Variants in ABCA6 observed in about 807,000 individuals in gnomAD.
ABCA6 encodes ATP-binding cassette sub-family A member 6.
In ABCA6, 164 loss-of-function variants were observed where a neutral mutation model predicts 191.2. The observed-to-expected ratio is 0.86, with a 90% CI of 0.76 to 0.98. The LOEUF (loss-of-function observed/expected upper bound fraction) is 0.98, where lower values mean the gene tolerates loss of function less well. Ranked by LOEUF, ABCA6 falls within the 50% of genes least tolerant of loss-of-function variation. The probability of loss-of-function intolerance (pLI) is 0.00; values close to 1 mark genes in which losing one functional copy is unlikely to be tolerated. For missense variants in ABCA6, 1,958 were observed against 1,894.1 expected (o/e 1.03, Z -0.63); for synonymous variants, 636 against 647.7 (o/e 0.98, Z 0.27).
intron 20 of ABCA6, chr17:69,105,123 A>G (rs556989953): frequency 4.4e-6 from 1 of 229,656 alleles, no homozygotes; most frequent in South Asian, 8.8e-5. Flanking sequence ...CCTTTGTGGT[A>G]TAGGTTAGGC....
Position 69,118,293 on chromosome 17 carries a change from ACTGGCATC to A in ABCA6, c.1437-345_1437-338del, listed in dbSNP as rs531693669. Reference sequence around the variant, plus strand: ...TCAGCTCATTTACCTAGGGTCTTGAACTGGCATCCTGCATCGTCTCCAAGTCTTGCTTA... The same window carrying A: ...TCAGCTCATTTACCTAGGGTCTTGAACTGCATCGTCTCCAAGTCTTGCTTA... On this transcript the variant is annotated intron_variant, in intron 10 of 38. Coordinates refer to ENST00000284425, the MANE Select transcript of ABCA6 (RefSeq NM_080284.3). Among the ~76,000 whole-genome samples, 167 of 152,086 alleles carry A rather than the reference ACTGGCATC, an allele frequency of 1.1e-3. 1 individual carries two copies. The highest frequency in any genetic ancestry group is 3.8e-3 in the African/African-American group (159 of 41,512).
chr17:69,135,797 C>A, intron 4 of ABCA6: 1 of 443,808 alleles, frequency 2.3e-6, no homozygotes, highest in South Asian at 6.7e-5. Flanking sequence ...CAATGTCTGT[C>A]TTTGCTGCTA....
At chr17:69,088,027 G>T in intron 28 of ABCA6, 140 bp downstream of exon 28, 2 of 729,788 alleles carry the variant, frequency 2.7e-6, no homozygotes, top group Non-Finnish European at 4.1e-6. Flanking sequence ...TGGCAGTAAG[G>T]CAGCAATCCA....
At position 69,114,923 on chromosome 17, in the gene ABCA6, A is replaced by G. The variant is rs373989235; in HGVS notation, c.1621T>C (p.Tyr541His). The G allele has an allele frequency of 9.9e-6, 16 of 1,608,390 alleles. No homozygotes were observed. The African/African-American group carries it at 1.7e-4, about 18-fold the overall frequency. Residue 541 changes from tyrosine to histidine, a missense_variant, in exon 13 of 39, where the codon TAT becomes CAT. Transcript: ENST00000284425. ...SVPTEGSVTI[Y>H]NKNLSEMQDL... is the part of the protein sequence containing the mutation. ...TGCATTTCAGAGAGATTTTTATTAT[A>G]GATGGTAACTGATCCTAAGAATAGA...
intron 36 of ABCA6, 36 bp downstream of exon 36, chr17:69,082,837 C>T (rs777337889): frequency 2.5e-6 from 4 of 1,612,468 alleles, no homozygotes; most frequent in Non-Finnish European, 3.4e-6. Context: ...GTGGATAAAC[C>T]CTCCATATTT....
rs1402066360 is a variant in ABCA6 at position 69,106,154 on chromosome 17, G to A, written c.2447C>T (p.Ala816Val). The A allele has an allele frequency of 9.9e-6, 16 of 1,613,764 alleles. No homozygotes were observed. Among genetic ancestry groups the A allele is most frequent in the Admixed American group, 1.7e-5 (1 of 59,954 alleles). Residue 816 changes from alanine to valine, a missense_variant, in exon 19 of 39, where the codon GCT becomes GTT. Ala to Val is a moderately conservative substitution (Grantham distance 64). Transcript: ENST00000284425. ...DSESLNEMEL[A>V]HSSFSEMQTA... ...CTGCATTTCAGAGAAGGAAGAGTGA[G>A]CCAGCTCCATTTCATTGAGGCTTTC...
At chr17:69,136,940 T>C (rs1195372202) in intron 3 of ABCA6, among the ~76,000 whole-genome samples, 2 of 152,128 alleles carry the variant, frequency 1.3e-5, no homozygotes, top group African/African-American at 4.8e-5. Flanking sequence ...TATTTAGATG[T>C]TTTTTTCCTG....
intron 22 of ABCA6, chr17:69,098,675 A>G (rs143955124): frequency 1.3e-5 from 2 of 151,874 alleles, no homozygotes; most frequent in African/African-American, 4.8e-5. Flanking sequence ...ATGCTACAAC[A>G]TAGACGAACC....
intron 22 of ABCA6, chr17:69,098,685 C>A (rs1183097304): frequency 6.8e-6 from 1 of 146,278 alleles, no homozygotes; most frequent in Non-Finnish European, 1.5e-5. Context: ...ATAGACGAAC[C>A]TGGAAAATAT....
At chr17:69,095,854 T>C (rs1478666096) in intron 25 of ABCA6, among the ~76,000 whole-genome samples, 1 of 152,222 alleles carries the variant, frequency 6.6e-6, no homozygotes, top group African/African-American at 2.4e-5. Flanking sequence ...GTATAAAACA[T>C]CTTTAGTATC....
intron 35 of ABCA6, 50 bp from the exon 36 acceptor site, chr17:69,083,063 T>C (rs1486470785): frequency 1.2e-6 from 2 of 1,600,636 alleles, no homozygotes; most frequent in Non-Finnish European, 1.7e-6. Flanking sequence ...CCTTAATTTT[T>C]TAATGTTATT....
intron 2 of ABCA6, among the ~76,000 whole-genome samples, chr17:69,138,121 C>T (rs1047440580): frequency 1.3e-5 from 2 of 152,136 alleles, no homozygotes; most frequent in African/African-American, 2.4e-5. Context: ...TCTCACTGTC[C>T]TGGTCCCACT....
intron 37 of ABCA6, among the ~76,000 whole-genome samples, chr17:69,080,446 T>C (rs2072602600): frequency 6.6e-6 from 1 of 152,058 alleles, no homozygotes; most frequent in Admixed American, 6.6e-5. Context: ...TGGTCTGCTG[T>C]TGGGAATGAC....
intron 4 of ABCA6, 97 bp downstream of exon 4, chr17:69,135,995 C>A (rs536810697): frequency 8.6e-7 from 1 of 1,157,108 alleles, no homozygotes; most frequent in East Asian, 2.5e-5. Context: ...CCTGTTTTCT[C>A]ATGTGTCATT....
At chr17:69,094,587 C>G (rs1260544422) in intron 25 of ABCA6, 2 of 168,062 alleles carry the variant, frequency 1.2e-5, no homozygotes, top group Non-Finnish European at 2.7e-5. Context: ...TAAACCTGCT[C>G]AGCTTCTCCA....
At position 69,141,799 on chromosome 17, in the gene ABCA6, T is replaced by G. The variant is rs991607977; in HGVS notation, c.-100A>C. ...AAACACTGTCAAAACCAGTTCTCTG[T>G]TTGTCTAGGTAACGATTACAACTTC... On this transcript the variant is annotated 5_prime_UTR_variant, in exon 1 of 39. Transcript: ENST00000284425. 1 of 152,056 alleles carries G rather than the reference T, an allele frequency of 6.6e-6. No homozygotes were observed. The highest frequency in any genetic ancestry group is 2.4e-5 in the African/African-American group (1 of 41,428). 9.4% of individuals were successfully genotyped at this position (152,056 alleles called of 1,614,324 possible).
At chr17:69,130,316 C>T (rs78865433) in intron 6 of ABCA6, among the ~76,000 whole-genome samples, 1 of 130,950 alleles carries the variant, frequency 7.6e-6, no homozygotes, top group Non-Finnish European at 1.6e-5. Context: ...GACTCCATCT[C>T]AAAAAAAAAA....
At chr17:69,124,838 C>G in intron 9 of ABCA6, 50 bp downstream of exon 9, 1 of 1,067,350 alleles carries the variant, frequency 9.4e-7, no homozygotes, top group Non-Finnish European at 1.3e-6. Flanking sequence ...AAAATATATT[C>G]AATGTAATTA....
At chr17:69,125,823 T>C (rs1241009114) in intron 8 of ABCA6, among the ~76,000 whole-genome samples, 1 of 152,120 alleles carries the variant, frequency 6.6e-6, no homozygotes, top group East Asian at 1.9e-4. Flanking sequence ...AAACATTAAA[T>C]AGGAAAATAA....
Sources: allele counts gnomAD v4.1 joint callset (sites outside exome capture counted in the v4.1 genomes callset), GRCh38; gene constraint gnomAD v4.1.1; transcripts MANE v1.5; gene names NCBI Gene and HGNC (gene_info 2026-07-23, HGNC 2026-07-21).